The following BRD3 variants were observed in gnomAD, a reference collection of about 807,000 sequenced individuals.
The protein encoded by BRD3 is bromodomain-containing protein 3.
BRD3 carries 17 observed loss-of-function variants against 66.8 expected under a neutral mutation model. The ratio of observed to expected loss-of-function variants is 0.25; its 90% confidence interval spans 0.17 to 0.38. The LOEUF is 0.38. BRD3 is among the 10% of genes least tolerant of loss of function. BRD3 has a pLI of 1.00. For synonymous variants in BRD3, 421 were observed against 393.2 expected, an observed-to-expected ratio of 1.07 and a Z score of -0.84; for missense variants, 713 against 956.1, an observed-to-expected ratio of 0.75 and a Z score of 3.35.
intron 1 of BRD3, among the ~76,000 whole-genome samples, chr9:134,065,978 G>GC (rs1448377936): frequency 6.6e-6 from 1 of 152,086 alleles, no homozygotes; most frequent in East Asian, 1.9e-4. Flanking sequence ...GGCACTGTTT[G>GC]CAAGTCCCGT....
At position 134,031,505 on chromosome 9, in the gene BRD3, G is replaced by C. The variant is rs953629277; in HGVS notation, c.*2085C>G. The C allele has an allele frequency of 1.5e-5, 3 of 201,170 alleles. No homozygotes were observed. The highest frequency in any genetic ancestry group is 6.9e-5 in the African/African-American group (3 of 43,414). 12.5% of individuals were successfully genotyped at this position (201,170 alleles called of 1,614,324 possible). ...TTTAGAAAATACCTTTGAAAACGAG[G>C]GTAACTTTAAAAAATGGAAACTTTC... On this transcript the variant is annotated 3_prime_UTR_variant, in exon 12 of 12. Coordinates refer to ENST00000303407, the MANE Select transcript of BRD3 (RefSeq NM_007371.4).
chr9:134,057,999 C>T (rs1830460337), intron 1 of BRD3: 1 of 152,336 alleles, frequency 6.6e-6, no homozygotes, highest in Non-Finnish European at 1.5e-5. Flanking sequence ...ACACAGAGGC[C>T]CTGCGAGAGG....
At chr9:134,036,484 C>A in intron 9 of BRD3, 160 bp from the exon 10 acceptor site, 1 of 1,578,886 alleles carries the variant, frequency 6.3e-7, no homozygotes, top group South Asian at 1.2e-5. Flanking sequence ...TTAGAAAAGT[C>A]GCTCCCAGCT....
chr9:134,037,124 C>T (rs1324927407), intron 9 of BRD3, among the ~76,000 whole-genome samples: 2 of 152,120 alleles, frequency 1.3e-5, no homozygotes, highest in African/African-American at 2.4e-5. Context: ...AGTGTCTACA[C>T]AAATGCCACT....
In BRD3 at chr9:134,041,916, A is replaced by T; in HGVS notation, c.1251T>A (p.Asp417Glu). ...VFEMRFAKMP[D>E]EPVEAPALPA... ...GCAGCGCCGGTGCCTCCACGGGCTCATCTGGCATCTTGGCAAACCTCATCT... is the reference window on the plus strand; with the variant it reads ...GCAGCGCCGGTGCCTCCACGGGCTCTTCTGGCATCTTGGCAAACCTCATCT... Residue 417 changes from aspartate to glutamate, a missense_variant, in exon 8 of 12, where the codon GAT becomes GAA. By Grantham distance (45) the Asp-to-Glu change is conservative. This residue lies in a region of BRD3 where 418 missense variants were observed against 609.3 expected (regional missense o/e 0.69). Coordinates refer to ENST00000303407, the MANE Select transcript of BRD3 (RefSeq NM_007371.4). 1 of 1,603,488 alleles carries T rather than the reference A, an allele frequency of 6.2e-7. No homozygotes were observed. Among genetic ancestry groups the T allele is most frequent in the Non-Finnish European group, 8.5e-7 (1 of 1,173,860 alleles).
At chr9:134,055,827 G>A (rs1830410339) in intron 1 of BRD3, 1 of 152,742 alleles carries the variant, frequency 6.5e-6, no homozygotes, top group Admixed American at 6.5e-5. Context: ...CCAGGCTGCA[G>A]GCCAGCTTCC....
rs375473973 is a variant in BRD3 at position 134,047,291 on chromosome 9, G to A, written c.1086+792C>T. Reference sequence around the variant, plus strand: ...CCAGCAGCTCTTCCCAGGGCCGCACGGCAGTTGGCGGAGGAGGCAGGTCAC... The same window carrying A: ...CCAGCAGCTCTTCCCAGGGCCGCACAGCAGTTGGCGGAGGAGGCAGGTCAC... On this transcript the variant is annotated intron_variant, in intron 6 of 11. Coordinates refer to ENST00000303407, the MANE Select transcript of BRD3 (RefSeq NM_007371.4). 5.6e-4 allele frequency among the ~76,000 whole-genome samples: 85 copies of A among 152,352 alleles called. 3 individuals carry two copies. In the East Asian group the frequency reaches 0.014, roughly 26 times the overall value.
intron 7 of BRD3, 80 bp from the exon 8 acceptor site, chr9:134,042,031 G>A: frequency 7.0e-7 from 1 of 1,421,688 alleles, no homozygotes; most frequent in South Asian, 1.5e-5. Context: ...GGGTTTCTGA[G>A]GTGCCCCTGA....
At position 134,048,317 on chromosome 9, in the gene BRD3, G is replaced by A; in HGVS notation, c.852C>T (p.Arg284=). The A allele has an allele frequency of 6.2e-7, 1 of 1,600,306 alleles. No individual in the cohort carries two copies. ...KVVARRESGG[R]PIKPPKKDLE... The stretch of plus-strand genomic sequence containing the variant: ...GGTCCTTCTTGGGAGGCTTGATGGG[G>A]CGGCCACCACTCTCCCGCCGGGCCA... The change falls in exon 6 of 12, where the codon CGC becomes CGT. Residue 284 remains arginine, a synonymous_variant. Coordinates refer to ENST00000303407, the MANE Select transcript of BRD3 (RefSeq NM_007371.4).
intron 1 of BRD3, among the ~76,000 whole-genome samples, chr9:134,067,055 AC>A (rs1830675636): frequency 1.3e-5 from 2 of 152,100 alleles, no homozygotes; most frequent in South Asian, 4.1e-4. Context: ...CAGAGAGCCC[AC>A]CAGGGCCATG....
chr9:134,063,315 T>C (rs1830583327), intron 1 of BRD3, among the ~76,000 whole-genome samples: 1 of 152,198 alleles, frequency 6.6e-6, no homozygotes, highest in East Asian at 1.9e-4. Context: ...TGCTTGACCC[T>C]TGCCTCCTAC....
intron 5 of BRD3, 80 bp downstream of exon 5, chr9:134,050,294 C>A (rs1199865166): frequency 2.1e-6 from 3 of 1,423,786 alleles, no homozygotes; most frequent in South Asian, 1.2e-5. Flanking sequence ...GTGGGGGCCC[C>A]CCGCCTGCTG....
intron 10 of BRD3, among the ~76,000 whole-genome samples, chr9:134,035,739 C>T (rs944577971): frequency 3.3e-5 from 5 of 152,242 alleles, no homozygotes; most frequent in South Asian, 2.1e-4. Flanking sequence ...GCCCCAGAGT[C>T]GCGCACTCCT....
Position 134,031,432 on chromosome 9 carries a change from C to T in BRD3, c.*2158G>A, listed in dbSNP as rs561633214. 1.9e-5 allele frequency: 4 copies of T among 206,308 alleles called. No homozygotes were observed. Among genetic ancestry groups the T allele is most frequent in the African/African-American group, 4.6e-5 (2 of 43,796 alleles). 12.8% of individuals were successfully genotyped at this position (206,308 alleles called of 1,614,324 possible). ...GCCTGCGTGAAGACCTGTCAACTGT[C>T]GTGTGTGAATTCCTTAAATTCGGTT... On this transcript the variant is annotated 3_prime_UTR_variant, in exon 12 of 12. Coordinates refer to ENST00000303407, the MANE Select transcript of BRD3 (RefSeq NM_007371.4).
chr9:134,033,070 C>T lies in BRD3; in HGVS notation c.*520G>A, dbSNP rs1426132015. On this transcript the variant is annotated 3_prime_UTR_variant, in exon 12 of 12. Coordinates refer to ENST00000303407, the MANE Select transcript of BRD3 (RefSeq NM_007371.4). The surrounding 1 kb of genome is among the most constrained non-coding windows in gnomAD (Gnocchi z 5.1). ...TCGCTTAGGCCCAGCCTGGTCTCCA[C>T]AAGCAGGCACATCTGTCCTCAGCCC... is the stretch of plus-strand genomic sequence containing the variant. The T allele has an allele frequency of 1.0e-5, 4 of 398,912 alleles. No individual in the cohort carries two copies. Among genetic ancestry groups the T allele is most frequent in the Non-Finnish European group, 1.3e-5 (3 of 226,410 alleles). The allele number at this position is 398,912 out of a possible 1,614,324, so 24.7% of individuals were successfully genotyped here. A position where few individuals can be genotyped will look rare whatever the true frequency, so the allele number is the denominator to read the frequency against.
Position 134,040,058 on chromosome 9 carries a change from G to T in BRD3, c.1619C>A (p.Ala540Asp). 6.3e-7 allele frequency: 1 copy of T among 1,594,080 alleles called. No homozygotes were observed. Residue 540 changes from alanine to aspartate, a missense_variant, in exon 9 of 12, where the codon GCC becomes GAC. Around this residue, in one of 5 missense-constraint regions of BRD3, gnomAD observed 418 missense variants for 609.3 expected, o/e 0.69. Transcript: ENST00000303407. ...CCTGCCGGCCGTGGTCGTGCTGTTG[G>T]CCTTCTTGGCAGGAGCCTTCTTCTG... is the stretch of plus-strand genomic sequence containing the variant. Reference protein sequence around the residue: ...AQQKKAPAKKANSTTTAGRQL... With the variant: ...AQQKKAPAKKDNSTTTAGRQL...
At chr9:134,046,919 C>G (rs1830183214) in intron 6 of BRD3, among the ~76,000 whole-genome samples, 1 of 152,212 alleles carries the variant, frequency 6.6e-6, no homozygotes, top group Admixed American at 6.5e-5. Context: ...TGAGTCCAGC[C>G]CAAACACTGG....
chr9:134,047,097 C>CT (rs1199204577), intron 6 of BRD3, among the ~76,000 whole-genome samples: 1 of 152,258 alleles, frequency 6.6e-6, no homozygotes, highest in African/African-American at 2.4e-5. Context: ...CCGCTCGTCA[C>CT]TTTCACCTGA....
chr9:134,047,880 C>T (rs1424833315), intron 6 of BRD3: 5 of 627,734 alleles, frequency 8.0e-6, no homozygotes, highest in African/African-American at 5.6e-5. Flanking sequence ...CCACAGACTC[C>T]GGGACCCACA....
Sources: gnomAD v4.1 joint callset for allele counts (sites outside exome capture counted in the v4.1 genomes callset) on GRCh38, gnomAD v4.1.1 for gene constraint, gnomAD v4.1.1 regional missense constraint, Gnocchi (gnomAD v3.1) non-coding constraint, MANE v1.5 for transcripts, NCBI Gene and HGNC (gene_info 2026-07-23, HGNC 2026-07-21) for gene names.